Variants in EPM2A observed in about 807,000 individuals in gnomAD.
EPM2A encodes EPM2A glucan phosphatase, laforin.
EPM2A carries 21 observed loss-of-function variants against 26.5 expected under a neutral mutation model. The ratio of observed to expected loss-of-function variants is 0.79; its 90% confidence interval spans 0.56 to 1.14. The LOEUF (loss-of-function observed/expected upper bound fraction) is 1.14. Among genes scored for constraint, EPM2A ranks in the 50% most tolerant of loss-of-function variants. The pLI is 0.00. For missense variants in EPM2A, 458 were observed against 440.8 expected (o/e 1.04, Z -0.35); for synonymous variants, 217 against 177.6 (o/e 1.22, Z -1.76).
At chr6:145,635,179 TAGACAGAC>T (rs200066315) in intron 3 of EPM2A, 58 bp downstream of exon 3, 9 of 1,580,726 alleles carry the variant, frequency 5.7e-6, no homozygotes, top group South Asian at 3.3e-5. Flanking sequence ...AAATTATAGA[TAGACAGAC>T]AGACAGCAAG....
At chr6:145,498,984 A>G (rs1366119102), downstream of EPM2A, among the ~76,000 whole-genome samples, 6 of 152,052 alleles carry the variant, frequency 3.9e-5, no homozygotes, top group East Asian at 9.6e-4. Context: ...TCAAACTCCA[A>G]TCTTTTCTTA....
At chr6:145,718,735 A>G (rs1473059751) in intron 1 of EPM2A, among the ~76,000 whole-genome samples, 1 of 152,250 alleles carries the variant, frequency 6.6e-6, no homozygotes, top group African/African-American at 2.4e-5. Context: ...ACAAAGGGCT[A>G]ATATCCAGAA....
intron 2 of EPM2A, among the ~76,000 whole-genome samples, chr6:145,646,583 G>A (rs991002264): frequency 1.3e-5 from 2 of 151,640 alleles, no homozygotes; most frequent in Non-Finnish European, 2.9e-5. Flanking sequence ...CCATGCTTCC[G>A]TCCCCTTCAT....
chr6:145,614,122 A>G (rs1033280471), intron 2 of EPM2A, among the ~76,000 whole-genome samples: 2 of 152,264 alleles, frequency 1.3e-5, no homozygotes, highest in Non-Finnish European at 2.9e-5. Context: ...CGCAGCTGCT[A>G]TATCAGCACT....
At chr6:145,490,375 G>C (rs1189014118) in intron 4 of EPM2A, 1 of 1,069,706 alleles carries the variant, frequency 9.3e-7, no homozygotes, top group Non-Finnish European at 1.4e-6. Flanking sequence ...CTCTATTCCA[G>C]TTTGGCATGC....
chr6:145,601,182 TTCTG>T (rs1781412251), intron 2 of EPM2A, among the ~76,000 whole-genome samples: 1 of 152,238 alleles, frequency 6.6e-6, no homozygotes, highest in African/African-American at 2.4e-5. Flanking sequence ...TATGTGGGAT[TTCTG>T]TCTTTTGATT....
At chr6:145,472,125 C>T (rs1779481758) in intron 4 of EPM2A, among the ~76,000 whole-genome samples, 1 of 151,580 alleles carries the variant, frequency 6.6e-6, no homozygotes, top group Non-Finnish European at 1.5e-5. Context: ...ATTTCAGGTG[C>T]TACCTCACAG....
At chr6:145,521,379 G>T (rs894405473) in intron 2 of EPM2A, among the ~76,000 whole-genome samples, 2 of 152,148 alleles carry the variant, frequency 1.3e-5, no homozygotes, top group Non-Finnish European at 1.5e-5. Flanking sequence ...AAGAAATCTT[G>T]CCTGATTACC....
At chr6:145,547,463 C>T (rs1258454770) in intron 2 of EPM2A, among the ~76,000 whole-genome samples, 1 of 152,070 alleles carries the variant, frequency 6.6e-6, no homozygotes, top group Non-Finnish European at 1.5e-5. Context: ...ATCAGCTGAC[C>T]ACACAATATG....
At chr6:145,494,635 T>C (rs1369132259) in intron 4 of EPM2A, among the ~76,000 whole-genome samples, 2 of 152,230 alleles carry the variant, frequency 1.3e-5, no homozygotes, top group Non-Finnish European at 2.9e-5. Flanking sequence ...CCTATAAATT[T>C]CCCTCCTAAC....
At chr6:145,571,085 C>A (rs1388365399) in intron 2 of EPM2A, among the ~76,000 whole-genome samples, 1 of 152,170 alleles carries the variant, frequency 6.6e-6, no homozygotes, top group Non-Finnish European at 1.5e-5. Context: ...GAAAAAGAAG[C>A]AAACATTTTG....
intron 4 of EPM2A, among the ~76,000 whole-genome samples, chr6:145,388,516 T>A (rs977674595): frequency 1.3e-5 from 2 of 152,166 alleles, no homozygotes; most frequent in Non-Finnish European, 2.9e-5. Context: ...TGATGCATTT[T>A]AAAAAATTAT....
chr6:145,541,322 A>T (rs146783716), intron 2 of EPM2A, among the ~76,000 whole-genome samples: 2 of 135,072 alleles, frequency 1.5e-5, no homozygotes, highest in African/African-American at 5.4e-5. Flanking sequence ...ATATACATAT[A>T]TATGTGTATA....
At chr6:145,525,911 T>C (rs1780267020) in intron 2 of EPM2A, among the ~76,000 whole-genome samples, 1 of 152,128 alleles carries the variant, frequency 6.6e-6, no homozygotes, top group African/African-American at 2.4e-5. Flanking sequence ...CCATTAAGTA[T>C]GATATTGGCT....
intron 2 of EPM2A, among the ~76,000 whole-genome samples, chr6:145,605,977 C>A (rs764216638): frequency 1.6e-4 from 25 of 152,100 alleles, no homozygotes; most frequent in Non-Finnish European, 3.2e-4. Context: ...AGCTATTAAA[C>A]TCCTAGCCTT....
chr6:145,514,353 T>C (rs1363492384), intron 2 of EPM2A, among the ~76,000 whole-genome samples: 1 of 151,992 alleles, frequency 6.6e-6, no homozygotes, highest in Admixed American at 6.6e-5. Flanking sequence ...GAGAGACAGA[T>C]TATAAGTTAA....
chr6:145,510,102 TAA>T (rs879434532), intron 2 of EPM2A, among the ~76,000 whole-genome samples: 2 of 143,212 alleles, frequency 1.4e-5, no homozygotes, highest in Non-Finnish European at 1.5e-5. Context: ...CTTCTGGACC[TAA>T]AAAAAAAAAG....
intron 1 of EPM2A, among the ~76,000 whole-genome samples, chr6:145,710,357 A>G (rs1246309102): frequency 6.6e-6 from 1 of 152,230 alleles, no homozygotes; most frequent in Non-Finnish European, 1.5e-5. Flanking sequence ...GCAGCCAAAA[A>G]ACACATGAAA....
chr6:145,694,648 C>A (rs201719666), intron 1 of EPM2A, among the ~76,000 whole-genome samples: 1 of 151,860 alleles, frequency 6.6e-6, no homozygotes, highest in East Asian at 1.9e-4. Flanking sequence ...GAAAGAAGAT[C>A]CAGCTAGAAA....
Sources: gnomAD v4.1 joint callset for allele counts (sites outside exome capture counted in the v4.1 genomes callset) on GRCh38, gnomAD v4.1.1 for gene constraint, MANE v1.5 for transcripts, NCBI Gene and HGNC (gene_info 2026-07-23, HGNC 2026-07-21) for gene names.